The following PMFBP1 variants were observed in gnomAD, a reference collection of about 807,000 sequenced individuals.
PMFBP1 encodes the protein polyamine-modulated factor 1-binding protein 1.
Under a neutral mutation model 137.8 loss-of-function variants are expected in PMFBP1, and 131 were observed. The observed-to-expected ratio is 0.95, with a 90% CI of 0.82 to 1.10. The LOEUF (loss-of-function observed/expected upper bound fraction) is 1.10. PMFBP1 is among the 50% of genes least tolerant of loss of function. The probability of loss-of-function intolerance (pLI) is 0.00; values close to 1 mark genes in which losing one functional copy is unlikely to be tolerated. For missense variants in PMFBP1, 1,199 were observed against 1,175.4 expected (o/e 1.02, Z -0.29); for synonymous variants, 490 against 450.4 (o/e 1.09, Z -1.11).
At position 72,171,253 on chromosome 16, in the gene PMFBP1, G is replaced by A. The variant is rs762547718; in HGVS notation, c.-45C>T. ...TCTCCTTTAACCTTTAGTATTTTCT[G>A]AGCTTTGTTATAAACCTGAAAAAGT... On this transcript the variant is annotated 5_prime_UTR_variant, in exon 2 of 21. Coordinates refer to ENST00000237353, the MANE Select transcript of PMFBP1 (RefSeq NM_031293.3). 6.2e-7 allele frequency: 1 copy of A among 1,608,172 alleles called. No individual in the cohort carries two copies. The highest frequency in any genetic ancestry group is 8.5e-7 in the Non-Finnish European group (1 of 1,175,276).
chr16:72,121,352 C>T (rs2042374730), intron 19 of PMFBP1, among the ~76,000 whole-genome samples: 2 of 152,186 alleles, frequency 1.3e-5, no homozygotes, highest in African/African-American at 2.4e-5. Context: ...GGCTCTCTGG[C>T]TCCCTCCTGT....
chr16:72,160,037 G>C (rs2043038817), intron 3 of PMFBP1, among the ~76,000 whole-genome samples: 1 of 152,214 alleles, frequency 6.6e-6, no homozygotes, highest in South Asian at 2.1e-4. Flanking sequence ...GATGGGGACT[G>C]CTGGCTGTCC....
the PMFBP1 span, among the ~76,000 whole-genome samples, chr16:72,208,910 A>C: frequency 1.3e-5 from 2 of 152,338 alleles, no homozygotes; most frequent in East Asian, 3.9e-4. Context: ...CCATCTGATC[A>C]GTGCAATGAT....
chr16:72,237,004 ACT>A, the PMFBP1 span, among the ~76,000 whole-genome samples: 4 of 152,174 alleles, frequency 2.6e-5, no homozygotes, highest in Admixed American at 2.0e-4. Flanking sequence ...CACATTTCAA[ACT>A]CAAAACACTG....
chr16:72,249,300 A>G, the PMFBP1 span, among the ~76,000 whole-genome samples: 349 of 152,226 alleles, frequency 2.3e-3, 4 homozygotes, highest in Admixed American at 2.2e-3. Context: ...ATATTAAAAA[A>G]TAAAAAATCG....
intron 7 of PMFBP1, among the ~76,000 whole-genome samples, chr16:72,137,278 A>G (rs1193932643): frequency 6.6e-6 from 1 of 152,190 alleles, no homozygotes; most frequent in Non-Finnish European, 1.5e-5. Context: ...GGCTCCATTA[A>G]TATTTTCAAA....
rs368672144 is a variant in PMFBP1 at position 72,143,110 on chromosome 16, T to A, written c.637-2528A>T. Reference sequence around the variant, plus strand: ...GATAGATGCTAATAAAAACATCTGATAAAATTCAACATTCATTCCTAATAA... The same window carrying A: ...GATAGATGCTAATAAAAACATCTGAAAAAATTCAACATTCATTCCTAATAA... On this transcript the variant is annotated intron_variant, in intron 5 of 20. Coordinates refer to ENST00000237353, the MANE Select transcript of PMFBP1 (RefSeq NM_031293.3). 2.0e-4 allele frequency among the ~76,000 whole-genome samples: 31 copies of A among 152,368 alleles called. 2 individuals are homozygous for A. The highest frequency in any genetic ancestry group is 1.0e-3 in the Admixed American group (16 of 15,312).
At chr16:72,142,629 C>T (rs777402365) in intron 5 of PMFBP1, among the ~76,000 whole-genome samples, 2 of 152,058 alleles carry the variant, frequency 1.3e-5, no homozygotes, top group Non-Finnish European at 2.9e-5. Context: ...CTTGCTCAGA[C>T]ATGGAAATAT....
At chr16:72,198,101 T>A in the PMFBP1 span, among the ~76,000 whole-genome samples, 2 of 152,150 alleles carry the variant, frequency 1.3e-5, no homozygotes, top group Non-Finnish European at 2.9e-5. Context: ...AATAAATATT[T>A]TAACTGGAAA....
At chr16:72,143,575 T>C (rs1338994334) in intron 5 of PMFBP1, among the ~76,000 whole-genome samples, 1 of 149,832 alleles carries the variant, frequency 6.7e-6, no homozygotes, top group Non-Finnish European at 1.5e-5. Flanking sequence ...AAACCCTGTC[T>C]CTGCAAAAAT....
chr16:72,217,906 G>A, the PMFBP1 span, among the ~76,000 whole-genome samples: 1 of 152,128 alleles, frequency 6.6e-6, no homozygotes, highest in Non-Finnish European at 1.5e-5. Flanking sequence ...GATTTATAGT[G>A]TTTGCCTGTT....
chr16:72,192,639 G>A, the PMFBP1 span, among the ~76,000 whole-genome samples: 1 of 152,082 alleles, frequency 6.6e-6, no homozygotes, highest in Non-Finnish European at 1.5e-5. Flanking sequence ...TGTAATCTCA[G>A]CACTTTGGGA....
chr16:72,127,881 A>T lies in PMFBP1; in HGVS notation c.2088+776T>A, dbSNP rs368879322. ...CTTAGAAAAGTCATACTACTTTAAGATTTATTTTTATATTATGAGGGAATA... is the reference window on the plus strand; with the variant it reads ...CTTAGAAAAGTCATACTACTTTAAGTTTTATTTTTATATTATGAGGGAATA... On this transcript the variant is annotated intron_variant, in intron 14 of 20. Transcript: ENST00000237353. Among the ~76,000 whole-genome samples, 5 of 152,266 alleles carry T rather than the reference A, an allele frequency of 3.3e-5. No homozygotes were observed. The East Asian group carries it at 9.6e-4, about 29-fold the overall frequency.
At chr16:72,138,037 G>C (rs2042659671) in intron 7 of PMFBP1, among the ~76,000 whole-genome samples, 1 of 152,096 alleles carries the variant, frequency 6.6e-6, no homozygotes, top group African/African-American at 2.4e-5. Flanking sequence ...TGAGGGCTTT[G>C]GAAAGGAAAC....
chr16:72,223,768 G>A, the PMFBP1 span, among the ~76,000 whole-genome samples: 1 of 152,176 alleles, frequency 6.6e-6, no homozygotes, highest in Admixed American at 6.5e-5. Context: ...ACCTATCAGA[G>A]GATGGGGCTA....
At chr16:72,155,501 G>C (rs1288490345) in intron 3 of PMFBP1, among the ~76,000 whole-genome samples, 1 of 152,110 alleles carries the variant, frequency 6.6e-6, no homozygotes, top group Non-Finnish European at 1.5e-5. Flanking sequence ...AACTCCTGGA[G>C]GGCAGGGCCA....
the PMFBP1 span, among the ~76,000 whole-genome samples, chr16:72,242,471 C>T: frequency 5.9e-5 from 9 of 152,182 alleles, no homozygotes; most frequent in Admixed American, 1.3e-4. Context: ...GGGGATTGTG[C>T]TTGTGAGACA....
intron 5 of PMFBP1, among the ~76,000 whole-genome samples, chr16:72,146,237 C>T (rs1294631196): frequency 3.3e-5 from 5 of 152,160 alleles, no homozygotes; most frequent in Admixed American, 6.5e-5. Context: ...AATCAATAAA[C>T]GTAATCCATC....
At chr16:72,222,332 T>C in the PMFBP1 span, among the ~76,000 whole-genome samples, 1 of 152,192 alleles carries the variant, frequency 6.6e-6, no homozygotes, top group Non-Finnish European at 1.5e-5. Flanking sequence ...ATTCCAAAGT[T>C]CATTTCAGGT....
Sources: gnomAD v4.1 joint callset for allele counts (sites outside exome capture counted in the v4.1 genomes callset) on GRCh38, gnomAD v4.1.1 for gene constraint, MANE v1.5 for transcripts, NCBI Gene and HGNC (gene_info 2026-07-23, HGNC 2026-07-21) for gene names.